The following DCAF6 variants were observed in gnomAD, a reference collection of about 807,000 sequenced individuals.
DCAF6 encodes the protein DDB1- and CUL4-associated factor 6.
Under a neutral mutation model 125.1 loss-of-function variants are expected in DCAF6, and 54 were observed. The observed-to-expected ratio is 0.43, with a 90% CI of 0.35 to 0.54. DCAF6 has a LOEUF of 0.54. DCAF6 is among the 20% of genes least tolerant of loss of function. The probability of loss-of-function intolerance (pLI) is 0.01; values close to 1 mark genes in which losing one functional copy is unlikely to be tolerated. For synonymous variants in DCAF6, 371 were observed against 390.4 expected, an observed-to-expected ratio of 0.95 and a Z score of 0.58; for missense variants, 934 against 1,161.7, an observed-to-expected ratio of 0.80 and a Z score of 2.85.
chr1:168,073,521 T>C (rs1041771830), intron 21 of DCAF6, among the ~76,000 whole-genome samples: 5 of 151,648 alleles, frequency 3.3e-5, no homozygotes, highest in Non-Finnish European at 7.4e-5. Context: ...CATTTGTCTC[T>C]TTATTGTGTG....
At chr1:168,059,085 G>A (rs1691265578) in intron 17 of DCAF6, among the ~76,000 whole-genome samples, 1 of 151,436 alleles carries the variant, frequency 6.6e-6, no homozygotes, top group Non-Finnish European at 1.5e-5. Flanking sequence ...TTTTATGCTT[G>A]TCACTTTCTT....
the DCAF6 span, among the ~76,000 whole-genome samples, chr1:167,927,943 T>C: frequency 6.6e-6 from 1 of 152,128 alleles, no homozygotes; most frequent in South Asian, 2.1e-4. Flanking sequence ...CAGTAGCCAA[T>C]ACATAAGGCC....
intron 5 of DCAF6, among the ~76,000 whole-genome samples, chr1:167,990,400 A>C (rs1484452568): frequency 2.0e-5 from 3 of 152,162 alleles, no homozygotes. Context: ...ATAAATAATC[A>C]ATAGTTATAG....
chr1:167,980,916 C>CTT lies in DCAF6; in HGVS notation c.438+5919_438+5920dup, dbSNP rs71100920. Reference sequence around the variant, plus strand: ...GTCATGAAGCTTTTCTCTGAATTTTCTTTTTTTTTTTTTTTTTTTGAGCTC... The same window carrying CTT: ...GTCATGAAGCTTTTCTCTGAATTTTCTTTTTTTTTTTTTTTTTTTTTGAGCTC... On this transcript the variant is annotated intron_variant, in intron 4 of 21. Transcript: ENST00000367840. Among the ~76,000 whole-genome samples, 378 of 113,570 alleles carry CTT rather than the reference C, an allele frequency of 3.3e-3. 6 individuals carry two copies. Among genetic ancestry groups the CTT allele is most frequent in the Middle Eastern group, 5.3e-3 (1 of 190 alleles). 74.5% of individuals were successfully genotyped at this position (113,570 alleles called of 152,430 possible).
intron 12 of DCAF6, 148 bp downstream of exon 12, chr1:168,023,195 T>G: frequency 1.2e-6 from 1 of 819,556 alleles, no homozygotes. Context: ...ATAGGTGGTA[T>G]TGTACATAAA....
At chr1:168,044,034 A>G (rs1558020705) in intron 14 of DCAF6, among the ~76,000 whole-genome samples, 1 of 152,164 alleles carries the variant, frequency 6.6e-6, no homozygotes, top group Non-Finnish European at 1.5e-5. Flanking sequence ...GATTCTGCAC[A>G]TAGAGTTCAT....
At chr1:167,994,918 ATATT>A (rs1384901704) in intron 7 of DCAF6, among the ~76,000 whole-genome samples, 1 of 152,196 alleles carries the variant, frequency 6.6e-6, no homozygotes, top group Admixed American at 6.5e-5. Context: ...ATACAAAACT[ATATT>A]CATTCCTCAT....
intron 17 of DCAF6, among the ~76,000 whole-genome samples, chr1:168,053,381 T>C (rs78226387): frequency 0.03 from 4,580 of 152,324 alleles, 203 homozygotes; most frequent in African/African-American, 0.1. Context: ...CTGCATGATA[T>C]GGGTTTTTGC....
At chr1:167,913,180 C>G in the DCAF6 span, among the ~76,000 whole-genome samples, 1 of 152,066 alleles carries the variant, frequency 6.6e-6, no homozygotes, top group Admixed American at 6.6e-5. Flanking sequence ...AATGAGGATA[C>G]CTGAGTCAAA....
the DCAF6 span, chr1:167,883,504 T>TA: frequency 4.0e-5 from 65 of 1,614,142 alleles, no homozygotes; most frequent in Non-Finnish European, 5.3e-5. Context: ...GATGTGCATA[T>TA]AGGCATCCTG....
chr1:167,945,570 C>T (rs116038177), intron 1 of DCAF6, among the ~76,000 whole-genome samples: 1,578 of 152,252 alleles, frequency 0.01, 34 homozygotes, highest in African/African-American at 0.034. Flanking sequence ...CGGCTTACTA[C>T]AACCTCCGGC....
chr1:168,036,949 G>C lies in DCAF6; in HGVS notation c.1610-1422G>C, dbSNP rs1391155447. ...TTCTGTAGGACAGGATTTTTCATGA[G>C]TTGGAAGTTAAGACAGAGGAATTGA... is the stretch of plus-strand genomic sequence containing the variant. On this transcript the variant is annotated intron_variant, in intron 12 of 21. Coordinates refer to ENST00000367840, the MANE Select transcript of DCAF6 (RefSeq NM_001198956.2). Among the ~76,000 whole-genome samples the C allele has an allele frequency of 7.9e-5, 12 of 152,304 alleles. No individual in the cohort carries two copies. In the East Asian group the frequency reaches 1.9e-3, roughly 24 times the overall value.
chr1:168,062,942 C>T (rs1350055205), intron 17 of DCAF6, among the ~76,000 whole-genome samples: 98 of 145,636 alleles, frequency 6.7e-4, no homozygotes, highest in Middle Eastern at 3.5e-3. Flanking sequence ...GACAGAGTCT[C>T]GCTCTGTCAC....
At chr1:168,023,264 T>A (rs1279818615) in intron 12 of DCAF6, 1 of 568,244 alleles carries the variant, frequency 1.8e-6, no homozygotes, top group Non-Finnish European at 3.1e-6. Context: ...ACTTTGGCCC[T>A]TGATGCCAAC....
At chr1:168,023,668 CTT>C (rs1429542211) in intron 12 of DCAF6, 1 of 152,950 alleles carries the variant, frequency 6.5e-6, no homozygotes, top group Non-Finnish European at 1.5e-5. Flanking sequence ...ATTTATCAGG[CTT>C]TATTACTAGC....
intron 10 of DCAF6, among the ~76,000 whole-genome samples, chr1:168,007,950 ATTG>A (rs889349299): frequency 5.0e-5 from 3 of 59,666 alleles, no homozygotes; most frequent in Admixed American, 3.2e-4. Flanking sequence ...TGTTTTTGTT[ATTG>A]TTGTACATCT....
chr1:167,927,122 A>C, the DCAF6 span, among the ~76,000 whole-genome samples: 1 of 152,218 alleles, frequency 6.6e-6, no homozygotes, highest in Non-Finnish European at 1.5e-5. Flanking sequence ...CTAATCAAAG[A>C]TATTCAAACT....
chr1:167,925,442 C>CATATATATATATATATATATATAT, the DCAF6 span, among the ~76,000 whole-genome samples: 8 of 82,454 alleles, frequency 9.7e-5, no homozygotes, highest in Non-Finnish European at 1.4e-4. Context: ...TACATATACA[C>CATATATATATATATATATATATAT]ATATATATAT....
intron 13 of DCAF6, among the ~76,000 whole-genome samples, chr1:168,042,060 A>G (rs1383789736): frequency 6.6e-6 from 1 of 151,986 alleles, no homozygotes; most frequent in Non-Finnish European, 1.5e-5. Context: ...TAGTTAAATA[A>G]TATTATATAT....
Sources: allele counts gnomAD v4.1 joint callset (sites outside exome capture counted in the v4.1 genomes callset), GRCh38; gene constraint gnomAD v4.1.1; transcripts MANE v1.5; gene names NCBI Gene and HGNC (gene_info 2026-07-23, HGNC 2026-07-21).